Variants in INSR observed in about 807,000 individuals in gnomAD.
INSR encodes the protein IR.
Under a neutral mutation model 142.6 loss-of-function variants are expected in INSR, and 67 were observed. That is an observed-to-expected ratio of 0.47 (90% CI 0.39 to 0.58). INSR has a LOEUF of 0.58. Ranked by LOEUF, INSR falls within the 20% of genes least tolerant of loss-of-function variation. INSR has a pLI of 0.00. For missense variants in INSR, 1,248 were observed against 1,833.2 expected, an observed-to-expected ratio of 0.68 and a Z score of 5.83; for synonymous variants, 756 against 743.1, an observed-to-expected ratio of 1.02 and a Z score of -0.28.
At chr19:7,266,577 G>T (rs972257530) in intron 2 of INSR, among the ~76,000 whole-genome samples, 2 of 151,968 alleles carry the variant, frequency 1.3e-5, no homozygotes, top group Admixed American at 1.3e-4. Flanking sequence ...TAGAGATGGG[G>T]TTTCACCGTG....
At chr19:7,260,355 G>A (rs1160026365) in intron 2 of INSR, among the ~76,000 whole-genome samples, 1 of 152,110 alleles carries the variant, frequency 6.6e-6, no homozygotes, top group Non-Finnish European at 1.5e-5. Flanking sequence ...TGAGCAGCTG[G>A]GGTGACCTCC....
At position 7,267,906 on chromosome 19, in the gene INSR, A is replaced by C; in HGVS notation, c.101-10T>G. Reference sequence around the variant, plus strand: ...TCCATGCCGGGACACACTACAAGAGAAAATGAACAGAAAGCAAGACAGGTG... The same window carrying C: ...TCCATGCCGGGACACACTACAAGAGCAAATGAACAGAAAGCAAGACAGGTG... On this transcript the variant is annotated splice_polypyrimidine_tract_variant and intron_variant, in intron 1 of 21. Transcript: ENST00000302850. The surrounding 1 kb of genome is among the most constrained non-coding windows in gnomAD (Gnocchi z 6.3). The C allele has an allele frequency of 6.2e-7, 1 of 1,611,718 alleles. No individual in the cohort carries two copies. The highest frequency in any genetic ancestry group is 1.1e-5 in the South Asian group (1 of 90,680).
chr19:7,283,659 C>G (rs762296156), intron 1 of INSR, among the ~76,000 whole-genome samples: 1 of 152,058 alleles, frequency 6.6e-6, no homozygotes, highest in East Asian at 1.9e-4. Context: ...AGGCTGGTCT[C>G]GAACTCACCA....
intron 2 of INSR, among the ~76,000 whole-genome samples, chr19:7,250,275 GGAAGGAGGGGAGGA>G (rs747593855): frequency 4.9e-5 from 7 of 143,880 alleles, no homozygotes; most frequent in Non-Finnish European, 9.1e-5. Context: ...GGAGGAGAGG[GGAAGGAGGGGAGGA>G]GAAGAAGGGG....
chr19:7,150,707 C>T lies in INSR; in HGVS notation c.2232-175G>A, dbSNP rs1003643448. Among the ~76,000 whole-genome samples the T allele has an allele frequency of 6.6e-5, 10 of 152,180 alleles. No individual in the cohort carries two copies. The highest frequency in any genetic ancestry group is 2.4e-4 in the African/African-American group (10 of 41,444). ...TGAGCTACATCTTCCCCAGCAGGTGCAGGGGTCCAGCAAGGGAAGGGGAAG... is the reference window on the plus strand; with the variant it reads ...TGAGCTACATCTTCCCCAGCAGGTGTAGGGGTCCAGCAAGGGAAGGGGAAG... On this transcript the variant is annotated intron_variant, in intron 10 of 21. Coordinates refer to ENST00000302850, the MANE Select transcript of INSR (RefSeq NM_000208.4). The surrounding 1 kb of genome is among the most constrained non-coding windows in gnomAD (Gnocchi z 4.2).
Position 7,119,702 on chromosome 19 carries a change from A to C in INSR, c.3660-119T>G. ...CACGCAAACACACATGCCAACACAT[A>C]CATGCAAACACACACATGCAAACAC... On this transcript the variant is annotated intron_variant, in intron 20 of 21. Transcript: ENST00000302850. This position sits in a 1 kb window ranked among gnomAD's most constrained non-coding sequence, Gnocchi z 5.2. 9.1e-7 allele frequency: 1 copy of C among 1,099,924 alleles called. No homozygotes were observed. The highest frequency in any genetic ancestry group is 1.3e-5 in the South Asian group (1 of 78,644). The allele number at this position is 1,099,924 out of a possible 1,614,324, so 68.1% of individuals were successfully genotyped here. A position where few individuals can be genotyped will look rare whatever the true frequency, so the allele number is the denominator to read the frequency against.
intron 1 of INSR, among the ~76,000 whole-genome samples, chr19:7,282,858 TGCTACTCAGGAG>T (rs1968244523): frequency 6.7e-6 from 1 of 148,302 alleles, no homozygotes; most frequent in Admixed American, 6.8e-5. Context: ...CTGTAGTCCC[TGCTACTCAGGAG>T]GCTGAGGCAG....
chr19:7,244,319 G>A (rs1976461242), intron 2 of INSR, among the ~76,000 whole-genome samples: 1 of 152,144 alleles, frequency 6.6e-6, no homozygotes, highest in South Asian at 2.1e-4. Flanking sequence ...GATGACTTGA[G>A]GCCAGGAATT....
chr19:7,222,297 T>TG (rs1242302221), intron 2 of INSR, among the ~76,000 whole-genome samples: 2 of 152,104 alleles, frequency 1.3e-5, no homozygotes, highest in Non-Finnish European at 2.9e-5. Flanking sequence ...CAAGCTGTCT[T>TG]GGTCTTTAAT....
intron 8 of INSR, among the ~76,000 whole-genome samples, chr19:7,165,060 A>G (rs1973860054): frequency 6.6e-6 from 1 of 152,004 alleles, no homozygotes; most frequent in Admixed American, 6.6e-5. Flanking sequence ...TGGGACGGGG[A>G]GGTTACAGTG....
Position 7,292,097 on chromosome 19 carries a change from T to TC in INSR, c.100+1694_100+1695insG, listed in dbSNP as rs199719641. On this transcript the variant is annotated intron_variant, in intron 1 of 21. Coordinates refer to ENST00000302850, the MANE Select transcript of INSR (RefSeq NM_000208.4). ...CGTGAGCCACCACGCCCCGCCTTTT[T>TC]TTTTATTTTTTTGAGACAAAGTCTC... 1.0e-3 allele frequency among the ~76,000 whole-genome samples: 151 copies of TC among 149,690 alleles called. 1 individual carries two copies. The East Asian group carries it at 0.025, about 25-fold the overall frequency.
Position 7,148,477 on chromosome 19 carries a change from C to CTTTTTT in INSR, c.2267+2014_2267+2019dup, listed in dbSNP as rs71177160. Among the ~76,000 whole-genome samples the CTTTTTT allele has an allele frequency of 3.3e-3, 315 of 95,028 alleles. 8 individuals carry two copies. The highest frequency in any genetic ancestry group is 4.3e-3 in the Non-Finnish European group (232 of 53,712). The allele number at this position is 95,028 out of a possible 152,430, so 62.3% of individuals were successfully genotyped here. A position where few individuals can be genotyped will look rare whatever the true frequency, so the allele number is the denominator to read the frequency against. ...TTATTATTAGTATTATGTATTTATTCTTTTTTTTTTTTTTTTTTGAGACAG... is the reference window on the plus strand; with the variant it reads ...TTATTATTAGTATTATGTATTTATTCTTTTTTTTTTTTTTTTTTTTTTTTGAGACAG... On this transcript the variant is annotated intron_variant, in intron 11 of 21. Coordinates refer to ENST00000302850, the MANE Select transcript of INSR (RefSeq NM_000208.4).
At chr19:7,174,989 C>A (rs1334312312) in intron 3 of INSR, among the ~76,000 whole-genome samples, 1 of 151,924 alleles carries the variant, frequency 6.6e-6, no homozygotes, top group Non-Finnish European at 1.5e-5. Context: ...ATTATAGGTG[C>A]CCGCCACCGT....
intron 2 of INSR, among the ~76,000 whole-genome samples, chr19:7,206,609 A>T (rs940113481): frequency 7.2e-5 from 11 of 152,094 alleles, no homozygotes; most frequent in African/African-American, 2.2e-4. Context: ...CTTTATGAGA[A>T]TCTAATGCTT....
chr19:7,241,206 C>A (rs952545894), intron 2 of INSR, among the ~76,000 whole-genome samples: 2 of 147,608 alleles, frequency 1.4e-5, no homozygotes, highest in African/African-American at 5.0e-5. Context: ...AGAGATGAGG[C>A]CTTGCCCTGT....
At chr19:7,146,667 A>G (rs1973194992) in intron 11 of INSR, among the ~76,000 whole-genome samples, 1 of 152,184 alleles carries the variant, frequency 6.6e-6, no homozygotes, top group Non-Finnish European at 1.5e-5. Context: ...TCACAATTTG[A>G]AAGAACGTGT....
intron 2 of INSR, among the ~76,000 whole-genome samples, chr19:7,250,984 G>A (rs1044729429): frequency 2.6e-5 from 4 of 152,024 alleles, no homozygotes; most frequent in Non-Finnish European, 5.9e-5. Flanking sequence ...GGAAAGGGAT[G>A]GAGGGAGAAC....
rs553675585 is a variant in INSR at position 7,198,291 on chromosome 19, C to T, written c.653-13654G>A. Among the ~76,000 whole-genome samples, 28 of 151,796 alleles carry T rather than the reference C, an allele frequency of 1.8e-4. 1 individual carries two copies. The highest frequency in any genetic ancestry group is 2.2e-4 in the Non-Finnish European group (15 of 67,856). ...CCCCCGGGTGCGCCGGGCTCCGCTC[C>T]CCAGACTGGCGCTCGGGCAGTGGCC... On this transcript the variant is annotated intron_variant, in intron 2 of 21. Transcript: ENST00000302850.
Position 7,278,192 on chromosome 19 carries a change from C to G in INSR, c.101-10296G>C, listed in dbSNP as rs1351567183. On this transcript the variant is annotated intron_variant, in intron 1 of 21. Transcript: ENST00000302850. ...GATGGAAACAGTGAACCAGTGAAGA[C>G]AAAGGATGAAGGAAGAAAACAAGTG... is the stretch of plus-strand genomic sequence containing the variant. 2.0e-5 allele frequency among the ~76,000 whole-genome samples: 3 copies of G among 151,936 alleles called. No individual in the cohort carries two copies. In the East Asian group the frequency reaches 5.8e-4, roughly 29 times the overall value.
Sources: gnomAD v4.1 joint callset for allele counts (sites outside exome capture counted in the v4.1 genomes callset) on GRCh38, gnomAD v4.1.1 for gene constraint, Gnocchi (gnomAD v3.1) non-coding constraint, MANE v1.5 for transcripts, NCBI Gene and HGNC (gene_info 2026-07-23, HGNC 2026-07-21) for gene names.